DRC8: variants seen among roughly 807,000 people sequenced by gnomAD.
DRC8 encodes dynein regulatory complex subunit 8, also known as dynein regulatory complex protein 8.
At chr1:244,976,573 A>G in the DRC8 span, among the ~76,000 whole-genome samples, 1 of 152,220 alleles carries the variant, frequency 6.6e-6, no homozygotes, top group Non-Finnish European at 1.5e-5. Context: ...TTAAAGATCA[A>G]ATGGACAGTG....
At chr1:245,101,501 T>A in the DRC8 span, among the ~76,000 whole-genome samples, 45 of 152,338 alleles carry the variant, frequency 3.0e-4, no homozygotes, top group African/African-American at 1.1e-3. Flanking sequence ...AGTACTATTG[T>A]TGATGAACAC....
At chr1:245,031,266 T>G in the DRC8 span, among the ~76,000 whole-genome samples, 1 of 152,040 alleles carries the variant, frequency 6.6e-6, no homozygotes, top group Non-Finnish European at 1.5e-5. Flanking sequence ...ATAGTCTAAT[T>G]CTGTTTCCTC....
At chr1:244,973,662 C>G in the DRC8 span, among the ~76,000 whole-genome samples, 1 of 152,168 alleles carries the variant, frequency 6.6e-6, no homozygotes, top group East Asian at 1.9e-4. Flanking sequence ...TATTCACTAG[C>G]ATGTCTTTAA....
the DRC8 span, chr1:245,002,140 A>G: frequency 6.2e-7 from 1 of 1,606,704 alleles, no homozygotes; most frequent in Non-Finnish European, 8.5e-7. Flanking sequence ...TACAACAGTG[A>G]TGAGATAAGG....
the DRC8 span, among the ~76,000 whole-genome samples, chr1:245,094,138 G>A: frequency 6.6e-6 from 1 of 152,056 alleles, no homozygotes. Context: ...GAGAATAGAG[G>A]TAAGTCTATT....
At chr1:245,015,718 AAAAAAAAG>A in the DRC8 span, 2 of 290,824 alleles carry the variant, frequency 6.9e-6, no homozygotes, top group East Asian at 1.3e-4. Context: ...TCAAAAAAAA[AAAAAAAAG>A]AAAGAAAGAA....
chr1:244,999,386 C>T, the DRC8 span, among the ~76,000 whole-genome samples: 1 of 152,100 alleles, frequency 6.6e-6, no homozygotes, highest in Non-Finnish European at 1.5e-5. Context: ...TTCCTGTTTC[C>T]CTTTAGCTAT....
chr1:245,031,545 TGAATGAGTTGTCGGAG>T, the DRC8 span, among the ~76,000 whole-genome samples: 1 of 152,136 alleles, frequency 6.6e-6, no homozygotes, highest in Non-Finnish European at 1.5e-5. Flanking sequence ...GCTGGGTCCC[TGAATGAGTTGTCGGAG>T]GAAAGCCATC....
chr1:245,061,560 C>T, the DRC8 span, among the ~76,000 whole-genome samples: 1 of 152,058 alleles, frequency 6.6e-6, no homozygotes, highest in Non-Finnish European at 1.5e-5. Flanking sequence ...TTGGGTATAA[C>T]TACCTTTTAA....
the DRC8 span, among the ~76,000 whole-genome samples, chr1:245,029,627 G>C: frequency 0.016 from 2,338 of 142,168 alleles, 70 homozygotes; most frequent in African/African-American, 0.058. Flanking sequence ...AAGGAATCTC[G>C]CTCTGTCACC....
chr1:245,007,201 A>G, the DRC8 span, among the ~76,000 whole-genome samples: 1 of 152,050 alleles, frequency 6.6e-6, no homozygotes, highest in Non-Finnish European at 1.5e-5. Context: ...GCCATTCTGT[A>G]TGATGCTATA....
chr1:245,075,156 A>C, the DRC8 span, among the ~76,000 whole-genome samples: 1 of 152,192 alleles, frequency 6.6e-6, no homozygotes, highest in Non-Finnish European at 1.5e-5. Flanking sequence ...CATTAAAATA[A>C]ATAATGCTTT....
chr1:244,991,218 C>A, the DRC8 span, among the ~76,000 whole-genome samples: 2 of 152,114 alleles, frequency 1.3e-5, no homozygotes, highest in African/African-American at 4.8e-5. Context: ...ATAAAGGATG[C>A]AAATGAAGAA....
chr1:245,088,988 A>G, the DRC8 span, among the ~76,000 whole-genome samples: 1 of 152,168 alleles, frequency 6.6e-6, no homozygotes, highest in Non-Finnish European at 1.5e-5. This position sits in a 1 kb window ranked among gnomAD's most constrained non-coding sequence, Gnocchi z 4.6. Context: ...TCAGTGTGAG[A>G]GTTTGGACTT....
At chr1:245,083,717 G>A in the DRC8 span, 3 of 1,586,718 alleles carry the variant, frequency 1.9e-6, no homozygotes, top group Non-Finnish European at 2.6e-6. Flanking sequence ...TTATCACAAT[G>A]ACTTATGTGA....
At chr1:245,037,273 A>G in the DRC8 span, among the ~76,000 whole-genome samples, 1 of 152,226 alleles carries the variant, frequency 6.6e-6, no homozygotes, top group Non-Finnish European at 1.5e-5. Flanking sequence ...TAGCAACAAA[A>G]TTCAGTGGCA....
the DRC8 span, among the ~76,000 whole-genome samples, chr1:245,006,582 G>A: frequency 0.82 from 125,425 of 152,074 alleles, 51,852 homozygotes; most frequent in East Asian, 1. Context: ...TGGGATTGTA[G>A]TCTAATCGTA....
the DRC8 span, among the ~76,000 whole-genome samples, chr1:245,060,368 T>G: frequency 1.3e-5 from 2 of 152,316 alleles, no homozygotes; most frequent in African/African-American, 4.8e-5. Context: ...TAAAGCATTA[T>G]GTAAAGTTAA....
the DRC8 span, among the ~76,000 whole-genome samples, chr1:245,045,011 G>T: frequency 2.4e-4 from 36 of 152,026 alleles, no homozygotes; most frequent in African/African-American, 8.4e-4. Flanking sequence ...TAATTTAATT[G>T]AATTTATTTA....
Sources: gnomAD v4.1 joint callset for allele counts (sites outside exome capture counted in the v4.1 genomes callset) on GRCh38, gnomAD v4.1.1 for gene constraint, Gnocchi (gnomAD v3.1) non-coding constraint, MANE v1.5 for transcripts, NCBI Gene and HGNC (gene_info 2026-07-23, HGNC 2026-07-21) for gene names.